Variants in ARID4A observed in about 807,000 individuals in gnomAD.
ARID4A encodes AT-rich interactive domain-containing protein 4A.
ARID4A carries 39 observed loss-of-function variants against 148.6 expected under a neutral mutation model. That is an observed-to-expected ratio of 0.26 (90% CI 0.20 to 0.34). ARID4A has a LOEUF of 0.34. ARID4A is among the 10% of genes least tolerant of loss of function. ARID4A has a pLI of 1.00. For synonymous variants in ARID4A, 475 were observed against 481.2 expected (o/e 0.99, Z 0.17); for missense variants, 1,265 against 1,449.1 (o/e 0.87, Z 2.06).
chr14:58,299,916 G>A (rs1313036754), intron 2 of ARID4A, 56 bp downstream of exon 2: 1 of 1,608,814 alleles, frequency 6.2e-7, no homozygotes. Flanking sequence ...CCAATCCTAA[G>A]GCTAGTGCCG....
At chr14:58,353,460 C>A in intron 16 of ARID4A, 198 bp from the exon 17 acceptor site, 1 of 489,550 alleles carries the variant, frequency 2.0e-6, no homozygotes, top group Non-Finnish European at 3.6e-6. Context: ...ACTTTGGGTA[C>A]AGTGCACCTT....
At chr14:58,355,464 A>T (rs2034829843) in intron 17 of ARID4A, among the ~76,000 whole-genome samples, 1 of 152,216 alleles carries the variant, frequency 6.6e-6, no homozygotes, top group South Asian at 2.1e-4. Context: ...TAACAACAAT[A>T]ATAAAATAGA....
chr14:58,350,522 T>C (rs1269436683), intron 15 of ARID4A, among the ~76,000 whole-genome samples: 1 of 152,178 alleles, frequency 6.6e-6, no homozygotes, highest in Non-Finnish European at 1.5e-5. Flanking sequence ...CAGATACTCA[T>C]TCAAAGAAGT....
intron 15 of ARID4A, among the ~76,000 whole-genome samples, chr14:58,349,442 C>T (rs1370974844): frequency 3.3e-5 from 5 of 150,842 alleles, no homozygotes; most frequent in Middle Eastern, 3.4e-3. Context: ...ATCAGGAGAT[C>T]GAGACCAGCC....
intron 17 of ARID4A, among the ~76,000 whole-genome samples, chr14:58,354,689 A>T (rs911837095): frequency 1.6e-5 from 1 of 60,730 alleles, no homozygotes; most frequent in South Asian, 4.8e-4. Context: ...TCTCATAAAT[A>T]AAAAAAAAAA....
At chr14:58,332,508 A>G (rs866714735) in intron 11 of ARID4A, among the ~76,000 whole-genome samples, 10 of 152,214 alleles carry the variant, frequency 6.6e-5, no homozygotes, top group Non-Finnish European at 1.3e-4. Flanking sequence ...AATCAGCTGC[A>G]TTTCTTGCTC....
At chr14:58,320,395 T>C (rs888748707) in intron 7 of ARID4A, among the ~76,000 whole-genome samples, 4 of 152,114 alleles carry the variant, frequency 2.6e-5, no homozygotes, top group African/African-American at 9.7e-5. Context: ...ATTTAGAAAA[T>C]TTAACGCTGA....
Position 58,372,142 on chromosome 14 carries a change from CTT to C in ARID4A, c.*154_*155del, listed in dbSNP as rs2035641555. On this transcript the variant is annotated 3_prime_UTR_variant, in exon 24 of 24. Coordinates refer to ENST00000355431, the MANE Select transcript of ARID4A (RefSeq NM_002892.4). ...CTGGATTGTATCTATTCCCCTCTCT[CTT>C]CTTTTTTCTTGTTGCAAAAAATAAG... 1.9e-6 allele frequency: 1 copy of C among 536,820 alleles called. No individual in the cohort carries two copies. The highest frequency in any genetic ancestry group is 3.1e-5 in the East Asian group (1 of 32,268). The allele number at this position is 536,820 out of a possible 1,614,324, so 33.3% of individuals were successfully genotyped here.
In ARID4A at chr14:58,353,840, A is replaced by G; in HGVS notation, c.1838A>G (p.Tyr613Cys). Residue 613 changes from tyrosine to cysteine, a missense_variant, in exon 17 of 24, where the codon TAT becomes TGT. Transcript: ENST00000355431. ...DGEVLYLVHY[Y>C]GWNVRYDEWV... ...GAAGTTTTATATTTGGTACATTACT[A>G]TGGATGGAATGTCAGGTAAGCAAGA... The G allele has an allele frequency of 1.2e-6, 2 of 1,611,144 alleles. No homozygotes were observed. The highest frequency in any genetic ancestry group is 8.5e-7 in the Non-Finnish European group (1 of 1,179,128).
chr14:58,344,726 A>G lies in ARID4A; in HGVS notation c.938A>G (p.Asp313Gly). 6.2e-7 allele frequency: 1 copy of G among 1,613,306 alleles called. No homozygotes were observed. Among genetic ancestry groups the G allele is most frequent in the African/African-American group, 1.3e-5 (1 of 75,010 alleles). Residue 313 changes from aspartate to glycine, a missense_variant, in exon 12 of 24, where the codon GAC becomes GGC. Asp to Gly is a moderately conservative substitution (Grantham distance 94). This residue lies in a region of ARID4A where 249 missense variants were observed against 277.2 expected (regional missense o/e 0.90). Coordinates refer to ENST00000355431, the MANE Select transcript of ARID4A (RefSeq NM_002892.4). ...PEEELDPEERDNFLQQLYKFM... is the reference protein window; with the variant it reads ...PEEELDPEERGNFLQQLYKFM... Reference sequence around the variant, plus strand: ...GAAGAACTTGATCCTGAAGAGAGGGACAACTTCCTCCAGCAGCTTTATAAG... The same window carrying G: ...GAAGAACTTGATCCTGAAGAGAGGGGCAACTTCCTCCAGCAGCTTTATAAG...
chr14:58,350,228 T>C (rs1443869546), intron 15 of ARID4A, among the ~76,000 whole-genome samples: 1 of 151,990 alleles, frequency 6.6e-6, no homozygotes, highest in Non-Finnish European at 1.5e-5. Context: ...AAGAAATTAA[T>C]TTCTTCTTTT....
At chr14:58,359,034 ATC>A (rs2035012589) in intron 17 of ARID4A, 96 bp from the exon 18 acceptor site, 2 of 1,301,594 alleles carry the variant, frequency 1.5e-6, no homozygotes, top group Non-Finnish European at 2.1e-6. Flanking sequence ...AAACTATTTA[ATC>A]TGTCTCACTG....
At chr14:58,338,542 CTG>C (rs956021431) in intron 11 of ARID4A, among the ~76,000 whole-genome samples, 13 of 151,946 alleles carry the variant, frequency 8.6e-5, no homozygotes, top group African/African-American at 3.1e-4. Flanking sequence ...TGCCTTCAAA[CTG>C]AGCCTCATTT....
chr14:58,346,533 T>C (rs1431126325), intron 13 of ARID4A, 28 bp downstream of exon 13: 1 of 1,475,562 alleles, frequency 6.8e-7, no homozygotes, highest in Non-Finnish European at 9.4e-7. Flanking sequence ...TTTTGAAACA[T>C]GTATTGATGT....
rs1434755716 is a variant in ARID4A at position 58,372,818 on chromosome 14, A to T, written c.*829A>T. ...ATTTAACAAGATTTCTAAAGCTGAA[A>T]TTTTTGTGTAAAATAAGGTATTATC... is the stretch of plus-strand genomic sequence containing the variant. On this transcript the variant is annotated 3_prime_UTR_variant, in exon 24 of 24. Coordinates refer to ENST00000355431, the MANE Select transcript of ARID4A (RefSeq NM_002892.4). 5.6e-6 allele frequency: 1 copy of T among 179,578 alleles called. No individual in the cohort carries two copies. The highest frequency in any genetic ancestry group is 2.4e-5 in the African/African-American group (1 of 42,358). The allele number at this position is 179,578 out of a possible 1,614,324, so 11.1% of individuals were successfully genotyped here.
intron 15 of ARID4A, among the ~76,000 whole-genome samples, chr14:58,349,170 A>G (rs1428385509): frequency 2.0e-5 from 3 of 152,170 alleles, no homozygotes; most frequent in African/African-American, 7.2e-5. Flanking sequence ...ATGTTGTAGC[A>G]CATATCAGAA....
intron 19 of ARID4A, among the ~76,000 whole-genome samples, chr14:58,361,917 A>G (rs1003492678): frequency 6.6e-6 from 1 of 152,206 alleles, no homozygotes; most frequent in Admixed American, 6.5e-5. Flanking sequence ...TTTTAATCTC[A>G]TATGATTTAA....
rs185368004 is a variant in ARID4A, at chr14:58,359,466, C to T, written c.1938+250C>T. Among the ~76,000 whole-genome samples the T allele has an allele frequency of 3.3e-5, 5 of 152,186 alleles. No individual in the cohort carries two copies. In the East Asian group the frequency reaches 7.7e-4, roughly 24 times the overall value. ...CACATTATTGTCACTCAGAGTCCAT[C>T]GTTTACATTAGGGTTCACTGTTGGT... On this transcript the variant is annotated intron_variant, in intron 18 of 23. Coordinates refer to ENST00000355431, the MANE Select transcript of ARID4A (RefSeq NM_002892.4).
rs780628110 is a variant in ARID4A, at chr14:58,365,621, A to G, written c.3315A>G (p.Thr1105=). 1.9e-5 allele frequency: 30 copies of G among 1,611,786 alleles called. No individual in the cohort carries two copies. Among genetic ancestry groups the G allele is most frequent in the Non-Finnish European group, 2.5e-5 (30 of 1,178,932 alleles). ...CAGCCAAAAATGAAAAGAATGGAAC[A>G]GGTTGGTGTCTTTCAATGCTAGCTT... is the stretch of plus-strand genomic sequence containing the variant. ...SAAAKNEKNG[T]GQSSDSEDLP... The change falls in exon 21 of 24, where the codon ACA becomes ACG. Residue 1105 remains threonine, a splice_region_variant and synonymous_variant. Transcript: ENST00000355431.
Sources: gnomAD v4.1 joint callset for allele counts (sites outside exome capture counted in the v4.1 genomes callset) on GRCh38, gnomAD v4.1.1 for gene constraint, gnomAD v4.1.1 regional missense constraint, MANE v1.5 for transcripts, NCBI Gene and HGNC (gene_info 2026-07-23, HGNC 2026-07-21) for gene names.